ASAP1: variants seen among roughly 807,000 people sequenced by gnomAD.
The protein encoded by ASAP1 is arf-GAP with SH3 domain, ANK repeat and PH domain-containing protein 1.
In ASAP1, 43 loss-of-function variants were observed where a neutral mutation model predicts 145.2. The observed-to-expected ratio is 0.30, with a 90% CI of 0.23 to 0.38. The LOEUF is 0.38. Among genes scored for constraint, ASAP1 ranks in the 10% least tolerant of loss-of-function variants. The pLI is 1.00. For synonymous variants in ASAP1, 546 were observed against 515.5 expected (o/e 1.06, Z -0.80); for missense variants, 1,018 against 1,355.3 (o/e 0.75, Z 3.91).
intron 23 of ASAP1, 27 bp from the exon 24 acceptor site, chr8:130,112,349 T>C (rs376002736): frequency 5.8e-6 from 9 of 1,564,112 alleles, no homozygotes; most frequent in African/African-American, 5.4e-5. Context: ...GAAGGTGAGA[T>C]AATAATCAAG....
At chr8:130,324,027 T>C (rs554611472) in intron 3 of ASAP1, among the ~76,000 whole-genome samples, 3 of 152,302 alleles carry the variant, frequency 2.0e-5, no homozygotes, top group East Asian at 1.9e-4. Flanking sequence ...GGGCTCAAAA[T>C]GTATTGGGCC....
chr8:130,167,735 T>G, intron 10 of ASAP1, 113 bp from the exon 11 acceptor site: 1 of 730,172 alleles, frequency 1.4e-6, no homozygotes, highest in African/African-American at 1.8e-5. Context: ...GTTTTCTTAC[T>G]AAAAGTCCTT....
chr8:130,151,136 G>A (rs1330054371), intron 13 of ASAP1, among the ~76,000 whole-genome samples: 1 of 152,038 alleles, frequency 6.6e-6, no homozygotes, highest in African/African-American at 2.4e-5. Flanking sequence ...ACTTTGGGAG[G>A]CCGAAGCGGG....
intron 2 of ASAP1, among the ~76,000 whole-genome samples, chr8:130,366,623 C>A (rs146258737): frequency 1.3e-5 from 2 of 152,042 alleles, no homozygotes; most frequent in African/African-American, 2.4e-5. Context: ...TAAGAGTGTG[C>A]GATCTGGATT....
chr8:130,202,210 T>C (rs1156520285), intron 5 of ASAP1, among the ~76,000 whole-genome samples: 1 of 152,182 alleles, frequency 6.6e-6, no homozygotes, highest in Non-Finnish European at 1.5e-5. Context: ...GTTTGATATA[T>C]TTCAAAGCTT....
At chr8:130,399,749 C>A (rs767008419) in intron 2 of ASAP1, among the ~76,000 whole-genome samples, 43 of 151,658 alleles carry the variant, frequency 2.8e-4, no homozygotes, top group Non-Finnish European at 3.4e-4. Context: ...CAAAAAAAAT[C>A]TGAAACATAA....
intron 3 of ASAP1, among the ~76,000 whole-genome samples, chr8:130,334,065 T>G (rs570164781): frequency 1.3e-5 from 2 of 152,190 alleles, no homozygotes; most frequent in South Asian, 4.2e-4. Context: ...GATGAGTAGG[T>G]GTTCATCTGG....
intron 1 of ASAP1, among the ~76,000 whole-genome samples, chr8:130,430,605 T>C (rs10956525): frequency 0.15 from 23,018 of 152,036 alleles, 2,194 homozygotes; most frequent in South Asian, 0.23. Flanking sequence ...TTAAGGAGAT[T>C]TCCCTGAGGC....
chr8:130,118,155 C>T lies in ASAP1; in HGVS notation c.1880+6G>A, dbSNP rs753423259. 22 of 1,611,592 alleles carry T rather than the reference C, an allele frequency of 1.4e-5. No homozygotes were observed. In the Admixed American group the frequency reaches 2.0e-4, roughly 15 times the overall value. On this transcript the variant is annotated splice_donor_region_variant and intron_variant, in intron 20 of 29. Coordinates refer to ENST00000518721, the MANE Select transcript of ASAP1 (RefSeq NM_018482.4). ...GGTAATTCAACAGAGAAAACAAAAA[C>T]GATACCAGTTTTGTACAAGGAAGTC...
chr8:130,090,863 T>C (rs370996302), intron 25 of ASAP1, among the ~76,000 whole-genome samples: 1 of 152,108 alleles, frequency 6.6e-6, no homozygotes, highest in African/African-American at 2.4e-5. Flanking sequence ...CGGGACAATA[T>C]AACTTTCCCC....
Position 130,128,099 on chromosome 8 carries a change from A to C in ASAP1, c.1218-9T>G, listed in dbSNP as rs1456924562. The C allele has an allele frequency of 1.1e-5, 16 of 1,496,246 alleles. No homozygotes were observed. The highest frequency in any genetic ancestry group is 1.3e-5 in the Non-Finnish European group (15 of 1,120,238). The allele number at this position is 1,496,246 out of a possible 1,614,324, so 92.7% of individuals were successfully genotyped here. A position where few individuals can be genotyped will look rare whatever the true frequency, so the allele number is the denominator to read the frequency against. On this transcript the variant is annotated splice_polypyrimidine_tract_variant and intron_variant, in intron 15 of 29. Transcript: ENST00000518721. ...TCAATACTGATATCCATCTGTTGGT[A>C]AAAACATAAGAGGAAAAAAGTCTTT... is the stretch of plus-strand genomic sequence containing the variant.
chr8:130,160,385 C>T lies in ASAP1; in HGVS notation c.910-421G>A, dbSNP rs946417887. 3.3e-5 allele frequency among the ~76,000 whole-genome samples: 5 copies of T among 152,336 alleles called. No homozygotes were observed. In the South Asian group the frequency reaches 1.0e-3, roughly 32 times the overall value. On this transcript the variant is annotated intron_variant, in intron 11 of 29. Coordinates refer to ENST00000518721, the MANE Select transcript of ASAP1 (RefSeq NM_018482.4). ...TGTTCTTCCCTTAGGCTGTACCTTT[C>T]TCCCTTTACACATTCTGCCAATATG...
At chr8:130,380,865 G>A (rs1268407284) in intron 2 of ASAP1, among the ~76,000 whole-genome samples, 4 of 151,836 alleles carry the variant, frequency 2.6e-5, no homozygotes, top group African/African-American at 4.8e-5. Flanking sequence ...GTACAGTTGC[G>A]CACCACTACA....
At chr8:130,089,432 C>T (rs533379936) in intron 25 of ASAP1, among the ~76,000 whole-genome samples, 7 of 152,120 alleles carry the variant, frequency 4.6e-5, no homozygotes, top group South Asian at 2.1e-4. Flanking sequence ...TGATCTCTCA[C>T]AGTTCAAAGG....
intron 18 of ASAP1, among the ~76,000 whole-genome samples, chr8:130,119,347 G>A (rs2097561749): frequency 6.6e-6 from 1 of 152,216 alleles, no homozygotes; most frequent in Admixed American, 6.5e-5. Flanking sequence ...GTGAAGATGA[G>A]CTGTCTTTCC....
intron 2 of ASAP1, among the ~76,000 whole-genome samples, chr8:130,393,863 T>C (rs548140712): frequency 3.3e-5 from 5 of 152,340 alleles, no homozygotes; most frequent in African/African-American, 9.6e-5. Flanking sequence ...TTAATACTTT[T>C]ATAATTTCTT....
At chr8:130,095,458 G>A (rs1025318322) in intron 24 of ASAP1, among the ~76,000 whole-genome samples, 4 of 151,410 alleles carry the variant, frequency 2.6e-5, no homozygotes, top group Non-Finnish European at 2.9e-5. Flanking sequence ...GTGCCACCAC[G>A]TCTGGCTAAT....
chr8:130,112,855 T>C (rs183935418), intron 23 of ASAP1, among the ~76,000 whole-genome samples: 33 of 152,316 alleles, frequency 2.2e-4, no homozygotes, highest in African/African-American at 6.7e-4. Flanking sequence ...TCCAAACCAA[T>C]GGCCCATGAG....
chr8:130,214,341 A>AT lies in ASAP1; in HGVS notation c.405+214dup, dbSNP rs1413714830. On this transcript the variant is annotated intron_variant, in intron 5 of 29. Transcript: ENST00000518721. ...TGGGCCAAAGGTACAAATTCCAGGA[A>AT]TTTCACAATGGGATTTTCTTTAAGC... Among the ~76,000 whole-genome samples, 12 of 152,292 alleles carry AT rather than the reference A, an allele frequency of 7.9e-5. No individual in the cohort carries two copies. The East Asian group carries it at 2.3e-3, about 29-fold the overall frequency.
Sources: allele counts gnomAD v4.1 joint callset (sites outside exome capture counted in the v4.1 genomes callset), GRCh38; gene constraint gnomAD v4.1.1; transcripts MANE v1.5; gene names NCBI Gene and HGNC (gene_info 2026-07-23, HGNC 2026-07-21).